KANSL2: variants seen among roughly 807,000 people sequenced by gnomAD.
KANSL2 encodes KAT8 regulatory NSL complex subunit 2, also known as NSL complex protein NSL2.
KANSL2 carries 34 observed loss-of-function variants against 55.6 expected under a neutral mutation model. The ratio of observed to expected loss-of-function variants is 0.61; its 90% CI spans 0.46 to 0.81. KANSL2 has a LOEUF of 0.81. Among genes scored for constraint, KANSL2 ranks in the 40% least tolerant of loss-of-function variants. KANSL2 has a pLI of 0.00. For missense variants in KANSL2, 502 were observed against 609.9 expected (o/e 0.82, Z 1.86); for synonymous variants, 209 against 214.3 (o/e 0.98, Z 0.22).
At chr12:48,662,068 C>T (rs1475823855) in intron 7 of KANSL2, among the ~76,000 whole-genome samples, 2 of 152,116 alleles carry the variant, frequency 1.3e-5, no homozygotes, top group Non-Finnish European at 2.9e-5. Context: ...CTTAAGAAGC[C>T]CACTCTTAAT....
intron 9 of KANSL2, 37 bp from the exon 10 acceptor site, chr12:48,654,212 C>T (rs1303783426): frequency 2.5e-6 from 4 of 1,576,668 alleles, no homozygotes; most frequent in Non-Finnish European, 3.4e-6. Flanking sequence ...GTTAGTAATT[C>T]ATTCACTGTG....
At chr12:48,661,534 T>A (rs945764301) in intron 7 of KANSL2, among the ~76,000 whole-genome samples, 1 of 152,206 alleles carries the variant, frequency 6.6e-6, no homozygotes, top group African/African-American at 2.4e-5. Flanking sequence ...AAAATTTGAC[T>A]TATTTTTAAC....
chr12:48,662,382 G>A (rs1939504002), intron 7 of KANSL2, among the ~76,000 whole-genome samples: 1 of 152,202 alleles, frequency 6.6e-6, no homozygotes, highest in African/African-American at 2.4e-5. Context: ...TGGGATTACA[G>A]GCGTGAGCCA....
At chr12:48,675,105 G>C (rs11168680) in intron 4 of KANSL2, among the ~76,000 whole-genome samples, 33,872 of 151,578 alleles carry the variant, frequency 0.22, 4,774 homozygotes, top group Non-Finnish European at 0.33. Flanking sequence ...TTAAAAATAT[G>C]TAACAGTTGG....
rs1386471028 is a variant in KANSL2, at chr12:48,679,659, T to C, written c.426A>G (p.Ile142Met). ...PESSRSEASRILDEDSWSDGE... is the reference protein window; with the variant it reads ...PESSRSEASRMLDEDSWSDGE... ...TCCAGGAGAGAAGGTCCTTACCTAG[T>C]ATTCGGCTGGCTTCACTGCGACTAC... Residue 142 changes from isoleucine to methionine, a missense_variant, in exon 3 of 10, where the codon ATA (isoleucine) becomes ATG (methionine). By Grantham distance (10) the Ile-to-Met change is conservative. Coordinates refer to ENST00000420613, the MANE Select transcript of KANSL2 (RefSeq NM_017822.4). The C allele has an allele frequency of 3.1e-6, 5 of 1,613,462 alleles. No homozygotes were observed. In the South Asian group the frequency reaches 3.3e-5, roughly 11 times the overall value.
At position 48,679,791 on chromosome 12, in the gene KANSL2, T is replaced by G; in HGVS notation, c.294A>C (p.Ala98=). 1 of 1,608,064 alleles carries G rather than the reference T, an allele frequency of 6.2e-7. No homozygotes were observed. The highest frequency in any genetic ancestry group is 8.5e-7 in the Non-Finnish European group (1 of 1,177,038). The change falls in exon 3 of 10, where the codon GCA becomes GCC. Residue 98 remains alanine (A), a synonymous_variant. Coordinates refer to ENST00000420613, the MANE Select transcript of KANSL2 (RefSeq NM_017822.4). ...CAEHVRRNAL[A]LHAQMKKTNP... is the part of the protein sequence containing the mutation. ...TGGTCTTCTTCATTTGAGCATGAAG[T>G]GCCAGGGCATTCCTACGGACATGTT...
At chr12:48,664,516 G>C (rs1424402723) in intron 7 of KANSL2, among the ~76,000 whole-genome samples, 1 of 150,138 alleles carries the variant, frequency 6.7e-6, no homozygotes, top group Non-Finnish European at 1.5e-5. Flanking sequence ...CTGACCTCGT[G>C]ATCTGCCCGC....
At chr12:48,668,183 C>T (rs1205240228) in intron 6 of KANSL2, among the ~76,000 whole-genome samples, 1 of 152,220 alleles carries the variant, frequency 6.6e-6, no homozygotes, top group African/African-American at 2.4e-5. Flanking sequence ...ATTAACCTTA[C>T]TTCCTGACAT....
Position 48,653,791 on chromosome 12 carries a change from T to G in KANSL2, c.*253A>C. The G allele has an allele frequency of 2.9e-6, 1 of 347,146 alleles. No individual in the cohort carries two copies. Among genetic ancestry groups the G allele is most frequent in the Non-Finnish European group, 5.1e-6 (1 of 194,520 alleles). 21.5% of individuals were successfully genotyped at this position (347,146 alleles called of 1,614,324 possible). A position where few individuals can be genotyped will look rare whatever the true frequency, so the allele number is the denominator to read the frequency against. On this transcript the variant is annotated 3_prime_UTR_variant, in exon 10 of 10. Coordinates refer to ENST00000420613, the MANE Select transcript of KANSL2 (RefSeq NM_017822.4). ...AAATCCCATTACAAAGATGTCACTTTCCTTTTAGGTATAGTCCCAAATAAT... is the reference window on the plus strand; with the variant it reads ...AAATCCCATTACAAAGATGTCACTTGCCTTTTAGGTATAGTCCCAAATAAT...
rs184835574 is a variant in KANSL2 at position 48,661,637 on chromosome 12, A to G, written c.974-1018T>C. The stretch of plus-strand genomic sequence containing the variant: ...TTTTATGGTAATTTTTTTAAATAAA[A>G]AAACTAACATACATTATAATTTTTA... On this transcript the variant is annotated intron_variant, in intron 7 of 9. Coordinates refer to ENST00000420613, the MANE Select transcript of KANSL2 (RefSeq NM_017822.4). Among the ~76,000 whole-genome samples, 977 of 152,314 alleles carry G rather than the reference A, an allele frequency of 6.4e-3. 16 individuals are homozygous for G. The highest frequency in any genetic ancestry group is 6.6e-3 in the Non-Finnish European group (450 of 68,030).
intron 7 of KANSL2, among the ~76,000 whole-genome samples, chr12:48,662,383 G>A (rs1284764573): frequency 6.6e-6 from 1 of 152,228 alleles, no homozygotes; most frequent in Non-Finnish European, 1.5e-5. Flanking sequence ...GGGATTACAG[G>A]CGTGAGCCAC....
chr12:48,669,752 G>A (rs564624274), intron 5 of KANSL2, among the ~76,000 whole-genome samples: 22 of 151,790 alleles, frequency 1.4e-4, no homozygotes, highest in African/African-American at 5.1e-4. Flanking sequence ...CTCATGATCC[G>A]CCTGCCTTGG....
Position 48,655,052 on chromosome 12 carries a change from A to G in KANSL2, c.1236T>C (p.Asp412=). 6.3e-7 allele frequency: 1 copy of G among 1,576,392 alleles called. No individual in the cohort carries two copies. The highest frequency in any genetic ancestry group is 8.6e-7 in the Non-Finnish European group (1 of 1,160,820). Residue 412 remains aspartate, a synonymous_variant, in exon 9 of 10, where the codon GAT becomes GAC. Coordinates refer to ENST00000420613, the MANE Select transcript of KANSL2 (RefSeq NM_017822.4). The part of the protein sequence containing the change: ...SLPLEFSDDL[D]VVGDGMQCPP... ...GACACTGCATACCATCACCCACAACATCCAAGTCCTAGAAAAAAGAGAAAA... is the reference window on the plus strand; with the variant it reads ...GACACTGCATACCATCACCCACAACGTCCAAGTCCTAGAAAAAAGAGAAAA...
intron 4 of KANSL2, among the ~76,000 whole-genome samples, chr12:48,673,983 A>G (rs1002389795): frequency 6.6e-5 from 10 of 152,098 alleles, no homozygotes; most frequent in East Asian, 1.9e-4. Context: ...AAATAAGTGA[A>G]TAACTTTGAA....
intron 8 of KANSL2, chr12:48,656,899 C>T (rs930736070): frequency 5.8e-6 from 2 of 344,372 alleles, no homozygotes; most frequent in African/African-American, 4.3e-5. Flanking sequence ...GGTTTGTACC[C>T]CCCTATGTTT....
intron 6 of KANSL2, 38 bp from the exon 7 acceptor site, chr12:48,667,827 A>G: frequency 1.4e-6 from 2 of 1,384,194 alleles, no homozygotes; most frequent in Non-Finnish European, 2.1e-6. Context: ...GACCCACAAA[A>G]GAACACACAA....
In KANSL2 at chr12:48,682,200, C is replaced by G. The variant is rs61942052; in HGVS notation, c.-23G>C. On this transcript the variant is annotated 5_prime_UTR_variant, in exon 1 of 10. Coordinates refer to ENST00000420613, the MANE Select transcript of KANSL2 (RefSeq NM_017822.4). ...CCGCCATCTTACCTCAGGAGCTGCG[C>G]TGCGCCGCACTCTGCCGCGCCGCTC... The G allele has an allele frequency of 0.26, 171,109 of 670,586 alleles. 25,493 individuals are homozygous for G. The highest frequency in any genetic ancestry group is 0.33 in the Non-Finnish European group (120,148 of 368,534). 41.5% of individuals were successfully genotyped at this position (670,586 alleles called of 1,614,324 possible).
rs1333817751 is a variant in KANSL2, at chr12:48,678,931, T to TA, written c.545+104dup. On this transcript the variant is annotated intron_variant, in intron 4 of 9. Transcript: ENST00000420613. ...TACAGAACCTCTTACTGCTGACAAA[T>TA]AGCTGTCTTCAACCCTCCTAGGTTA... 9.6e-6 allele frequency: 7 copies of TA among 731,696 alleles called. No homozygotes were observed. In the African/African-American group the frequency reaches 1.2e-4, roughly 13 times the overall value. 45.3% of individuals were successfully genotyped at this position (731,696 alleles called of 1,614,324 possible). A position where few individuals can be genotyped will look rare whatever the true frequency, so the allele number is the denominator to read the frequency against.
intron 3 of KANSL2, 27 bp from the exon 4 acceptor site, chr12:48,679,177 T>C: frequency 2.7e-6 from 4 of 1,474,518 alleles, no homozygotes; most frequent in Non-Finnish European, 3.8e-6. Flanking sequence ...AGAGCAGCCA[T>C]TAAGACTTCC....
Sources: allele counts gnomAD v4.1 joint callset (sites outside exome capture counted in the v4.1 genomes callset), GRCh38; gene constraint gnomAD v4.1.1; transcripts MANE v1.5; gene names NCBI Gene and HGNC (gene_info 2026-07-23, HGNC 2026-07-21).